CHN2: variants seen among roughly 807,000 people sequenced by gnomAD.
The protein encoded by CHN2 is beta-chimaerin.
Under a neutral mutation model 56.3 loss-of-function variants are expected in CHN2, and 35 were observed. That is an observed-to-expected ratio of 0.62 (90% CI 0.47 to 0.82). The LOEUF (loss-of-function observed/expected upper bound fraction) is 0.82. Among genes scored for constraint, CHN2 ranks in the 40% least tolerant of loss-of-function variants. The pLI, the probability that CHN2 is intolerant of heterozygous loss-of-function variation, is 0.00. For missense variants in CHN2, 491 were observed against 580.5 expected (o/e 0.85, Z 1.58); for synonymous variants, 210 against 212.8 (o/e 0.99, Z 0.12).
intron 1 of CHN2, among the ~76,000 whole-genome samples, chr7:29,324,713 C>G (rs571348019): frequency 5.9e-5 from 9 of 151,576 alleles, no homozygotes; most frequent in African/African-American, 1.9e-4. Flanking sequence ...CCACATTTTG[C>G]TGTCTAATAT....
At chr7:29,431,971 G>T (rs983229322) in intron 6 of CHN2, among the ~76,000 whole-genome samples, 1 of 152,194 alleles carries the variant, frequency 6.6e-6, no homozygotes, top group Non-Finnish European at 1.5e-5. Context: ...GACAGCCTTG[G>T]GATCTCACCC....
intron 6 of CHN2, among the ~76,000 whole-genome samples, chr7:29,464,688 G>A (rs1298603448): frequency 2.0e-5 from 3 of 152,192 alleles, no homozygotes; most frequent in Non-Finnish European, 4.4e-5. Flanking sequence ...ACCCAGGTTG[G>A]CCAGGTGACT....
chr7:29,400,498 G>C (rs1469128396), intron 5 of CHN2, 45 bp from the exon 6 acceptor site: 2 of 1,584,014 alleles, frequency 1.3e-6, no homozygotes, highest in South Asian at 2.2e-5. Flanking sequence ...TCCACACTGT[G>C]CTTATTTCTA....
intron 2 of CHN2, among the ~76,000 whole-genome samples, chr7:29,178,797 A>G (rs558648408): frequency 1.1e-3 from 174 of 152,350 alleles, no homozygotes; most frequent in Non-Finnish European, 1.9e-3. Context: ...ATGAAAAATG[A>G]CTTAAATCCC....
Position 29,400,718 on chromosome 7 carries a change from A to G in CHN2, c.466A>G (p.Ile156Val). Residue 156 changes from isoleucine (I) to valine (V), a missense_variant, in exon 6 of 13, where the codon ATT (isoleucine) becomes GTT (valine). Transcript: ENST00000222792. ...KMTTNPIYEH[I>V]GYATLLREKV... is the part of the protein sequence containing the mutation. The stretch of plus-strand genomic sequence containing the variant: ...GACAACTAACCCCATCTATGAACAC[A>G]TTGGATATGCCACCCTACTCAGAGA... 1 of 1,614,180 alleles carries G rather than the reference A, an allele frequency of 6.2e-7. No homozygotes were observed. Among genetic ancestry groups the G allele is most frequent in the South Asian group, 1.1e-5 (1 of 91,078 alleles).
intron 7 of CHN2, among the ~76,000 whole-genome samples, chr7:29,489,978 G>A (rs185674857): frequency 1.2e-3 from 186 of 152,178 alleles, no homozygotes; most frequent in African/African-American, 4.0e-3. Flanking sequence ...TTCTGTCCAC[G>A]TGTAGTAAAC....
At chr7:29,361,094 A>C (rs767338478) in intron 2 of CHN2, among the ~76,000 whole-genome samples, 2 of 152,260 alleles carry the variant, frequency 1.3e-5, no homozygotes, top group Non-Finnish European at 2.9e-5. Flanking sequence ...ACATTGCTGC[A>C]GAAGTAATTC....
intron 1 of CHN2, among the ~76,000 whole-genome samples, chr7:29,219,219 C>T (rs1041409880): frequency 6.6e-6 from 1 of 152,246 alleles, no homozygotes; most frequent in African/African-American, 2.4e-5. Context: ...CGTTTCCCAC[C>T]ACTGTGTAGG....
intron 1 of CHN2, among the ~76,000 whole-genome samples, chr7:29,247,867 G>C (rs1358087442): frequency 1.3e-5 from 2 of 152,234 alleles, no homozygotes; most frequent in African/African-American, 2.4e-5. Context: ...TTTATCCTCA[G>C]GTGGTCAGTG....
At chr7:29,411,992 CT>C (rs1428917514) in intron 6 of CHN2, among the ~76,000 whole-genome samples, 2 of 152,218 alleles carry the variant, frequency 1.3e-5, no homozygotes, top group African/African-American at 2.4e-5. Context: ...GCCACCTCTG[CT>C]GTCCTTCATT....
chr7:29,192,664 T>G (rs967964792), upstream of CHN2: 2 of 152,236 alleles, frequency 1.3e-5, no homozygotes, highest in Non-Finnish European at 2.9e-5. Context: ...ACTGTAGCTT[T>G]CCACATAGCA....
intron 3 of CHN2, among the ~76,000 whole-genome samples, chr7:29,374,748 C>G (rs138134285): frequency 2.5e-3 from 382 of 152,118 alleles, no homozygotes; most frequent in Admixed American, 5.1e-3. Flanking sequence ...TGATAATAGG[C>G]AAAGTTTCCG....
intron 2 of CHN2, among the ~76,000 whole-genome samples, chr7:29,177,697 T>G (rs184375896): frequency 2.6e-5 from 4 of 152,198 alleles, no homozygotes; most frequent in African/African-American, 9.6e-5. Context: ...CATCCATCTG[T>G]GCAGTCATCC....
At chr7:29,355,262 C>T (rs774962349) in intron 2 of CHN2, among the ~76,000 whole-genome samples, 6 of 152,116 alleles carry the variant, frequency 3.9e-5, no homozygotes, top group Admixed American at 1.3e-4. Flanking sequence ...TGAGCCACCG[C>T]GCCCAGCCAC....
intron 6 of CHN2, among the ~76,000 whole-genome samples, chr7:29,445,978 C>T (rs146473708): frequency 2.6e-5 from 4 of 151,992 alleles, no homozygotes; most frequent in African/African-American, 4.8e-5. Context: ...TCTTGAAAGG[C>T]GAACATCTAG....
chr7:29,385,051 AG>A (rs2128063130), intron 3 of CHN2, among the ~76,000 whole-genome samples: 1 of 152,220 alleles, frequency 6.6e-6, no homozygotes, highest in African/African-American at 2.4e-5. Flanking sequence ...CCAGGGAGGG[AG>A]GAGGTTCCCT....
rs114518919 is a variant in CHN2 at position 29,388,198 on chromosome 7, G to A, written c.145-5481G>A. On this transcript the variant is annotated intron_variant, in intron 3 of 12. Transcript: ENST00000222792. ...GAGACTCAGATAACAAGGGGTAGCT[G>A]CATTTACTCTGTGACAGATATTGGC... Among the ~76,000 whole-genome samples the A allele has an allele frequency of 3.6e-3, 551 of 152,314 alleles. 1 individual carries two copies. Among genetic ancestry groups the A allele is most frequent in the Middle Eastern group, 6.8e-3 (2 of 294 alleles).
At chr7:29,348,978 T>C (rs1797679421) in intron 1 of CHN2, among the ~76,000 whole-genome samples, 1 of 152,180 alleles carries the variant, frequency 6.6e-6, no homozygotes, top group Non-Finnish European at 1.5e-5. Flanking sequence ...AAAAATGAGA[T>C]TATATTTAAT....
intron 7 of CHN2, among the ~76,000 whole-genome samples, chr7:29,492,474 G>T (rs912326609): frequency 1.3e-5 from 2 of 151,972 alleles, no homozygotes; most frequent in African/African-American, 4.8e-5. Context: ...TGCTTCCACA[G>T]ATACCCTAAA....
Sources: allele counts gnomAD v4.1 joint callset (sites outside exome capture counted in the v4.1 genomes callset), GRCh38; gene constraint gnomAD v4.1.1; transcripts MANE v1.5; gene names NCBI Gene and HGNC (gene_info 2026-07-23, HGNC 2026-07-21).